DRAP1: variants seen among roughly 807,000 people sequenced by gnomAD.
DRAP1 encodes DR1 associated protein 1, also known as dr1-associated corepressor.
Under a neutral mutation model 24.1 loss-of-function variants are expected in DRAP1, and 10 were observed. The ratio of observed to expected loss-of-function variants is 0.41; its 90% CI spans 0.26 to 0.70. The LOEUF is 0.70. Among genes scored for constraint, DRAP1 ranks in the 30% least tolerant of loss-of-function variants. DRAP1 has a pLI of 0.29. For synonymous variants in DRAP1, 122 were observed against 113.8 expected, an observed-to-expected ratio of 1.07 and a Z score of -0.46; for missense variants, 264 against 275.6, an observed-to-expected ratio of 0.96 and a Z score of 0.30.
chr11:65,919,681 T>G (rs1456534439), intron 1 of DRAP1, 99 bp from the exon 2 acceptor site: 1 of 1,531,568 alleles, frequency 6.5e-7, no homozygotes, highest in Non-Finnish European at 8.9e-7. Context: ...CCCGCGTCCG[T>G]GTCCCCCGCC....
chr11:65,919,741 G>T (rs1417200921), intron 1 of DRAP1, 39 bp from the exon 2 acceptor site: 2 of 1,611,928 alleles, frequency 1.2e-6, no homozygotes, highest in East Asian at 2.2e-5. Context: ...CTTAGGGGAC[G>T]GTGGCGACGG....
At position 65,920,358 on chromosome 11, in the gene DRAP1, G is replaced by C; in HGVS notation, c.225G>C (p.Glu75Asp). The change falls in exon 4 of 7, where the codon GAG (glutamate) becomes GAC (aspartate). Residue 75 changes from glutamate (E) to aspartate (D), a missense_variant. By Grantham distance (45) the Glu-to-Asp change is conservative (BLOSUM62 2). Coordinates refer to ENST00000312515, the MANE Select transcript of DRAP1 (RefSeq NM_006442.4). ...CCTCTTCCAGGAAGCAGTGCATCGA[G>C]CTGGAGCAGCAGTTTGACTTCTTGA... ...MTTSHLKQCI[E>D]LEQQFDFLKD... 1 of 1,614,100 alleles carries C rather than the reference G, an allele frequency of 6.2e-7. No homozygotes were observed. The highest frequency in any genetic ancestry group is 8.5e-7 in the Non-Finnish European group (1 of 1,180,030).
chr11:65,919,989 G>T lies in DRAP1; in HGVS notation c.157G>T (p.Ala53Ser). The change falls in exon 3 of 7, where the codon GCC (alanine) becomes TCC (serine). Residue 53 changes from alanine to serine, a missense_variant. Ala to Ser is a moderately conservative substitution (Grantham distance 99, BLOSUM62 1). Coordinates refer to ENST00000312515, the MANE Select transcript of DRAP1 (RefSeq NM_006442.4). Reference protein sequence around the residue: ...ELFLESLLKKACQVTQSRNAK... With the variant: ...ELFLESLLKKSCQVTQSRNAK... Reference sequence around the variant, plus strand: ...CTTCCTAGAGTCGCTGTTGAAGAAGGCCTGCCAGGTGACCCAGTCGCGGAA... The same window carrying T: ...CTTCCTAGAGTCGCTGTTGAAGAAGTCCTGCCAGGTGACCCAGTCGCGGAA... 1 of 1,613,842 alleles carries T rather than the reference G, an allele frequency of 6.2e-7. No homozygotes were observed. Among genetic ancestry groups the T allele is most frequent in the East Asian group, 2.2e-5 (1 of 44,872 alleles).
intron 2 of DRAP1, 21 bp from the exon 3 acceptor site, chr11:65,919,927 G>A: frequency 6.2e-7 from 1 of 1,613,788 alleles, no homozygotes; most frequent in Non-Finnish European, 8.5e-7. Context: ...CTGCCCCGGA[G>A]TTCTCCTTGA....
intron 5 of DRAP1, 31 bp downstream of exon 5, chr11:65,920,693 C>G (rs1207070881): frequency 6.1e-6 from 9 of 1,466,282 alleles, no homozygotes; most frequent in Non-Finnish European, 8.2e-6. Flanking sequence ...TCGCCCTGCC[C>G]TTGGTGATGG....
At position 65,920,587 on chromosome 11, in the gene DRAP1, C is replaced by T; in HGVS notation, c.348C>T (p.Ser116=). Residue 116 remains serine, a synonymous_variant, in exon 5 of 7, where the codon AGC becomes AGT. Coordinates refer to ENST00000312515, the MANE Select transcript of DRAP1 (RefSeq NM_006442.4). ...CCCAAAGGGGCCGGAAGCCAGGCAGCGGCGGCCGGAAGAACGGTGGGATGG... is the reference window on the plus strand; with the variant it reads ...CCCAAAGGGGCCGGAAGCCAGGCAGTGGCGGCCGGAAGAACGGTGGGATGG... ...KGARRGRKPG[S]GGRKNGGMGT... 6.3e-7 allele frequency: 1 copy of T among 1,583,142 alleles called. No homozygotes were observed. Among genetic ancestry groups the T allele is most frequent in the Non-Finnish European group, 8.6e-7 (1 of 1,164,664 alleles).
intron 3 of DRAP1, 114 bp from the exon 4 acceptor site, chr11:65,920,229 G>T: frequency 6.5e-7 from 1 of 1,534,998 alleles, no homozygotes. Context: ...GCAGGCCCGG[G>T]AGCGGAGATC....
At chr11:65,921,187 G>T in intron 6 of DRAP1, 143 bp from the exon 7 acceptor site, 2 of 693,102 alleles carry the variant, frequency 2.9e-6, no homozygotes, top group Non-Finnish European at 4.9e-6. Flanking sequence ...CCTGCCCTGC[G>T]TGAGCTGCCC....
intron 1 of DRAP1, 59 bp downstream of exon 1, chr11:65,919,602 G>C (rs1854521450): frequency 7.1e-6 from 11 of 1,546,202 alleles, no homozygotes; most frequent in Non-Finnish European, 8.7e-6. Context: ...CTTGGGCCCA[G>C]TTCCCGCTGG....
intron 6 of DRAP1, 44 bp from the exon 7 acceptor site, chr11:65,921,286 C>G (rs546313635): frequency 8.4e-7 from 1 of 1,193,790 alleles, no homozygotes; most frequent in Non-Finnish European, 1.2e-6. Flanking sequence ...GTGGAGGGCA[C>G]GGTGGGGCTC....
chr11:65,919,730 C>G, intron 1 of DRAP1, 50 bp from the exon 2 acceptor site: 3 of 1,610,626 alleles, frequency 1.9e-6, no homozygotes, highest in African/African-American at 2.7e-5. Context: ...CCCAGCACCC[C>G]CTTAGGGGAC....
chr11:65,921,385 C>T lies in DRAP1; in HGVS notation c.568C>T (p.Pro190Ser). The T allele has an allele frequency of 1.2e-6, 2 of 1,611,954 alleles. No homozygotes were observed. Among genetic ancestry groups the T allele is most frequent in the Non-Finnish European group, 1.7e-6 (2 of 1,178,118 alleles). ...TACTCTGCCTTTGCCCCCAGCGCCC[C>T]CGGGCCCCTCAGCACCTGATGAAGA... ...ASTLPLPPAPPGPSAPDEEDE... is the reference protein window; with the variant it reads ...ASTLPLPPAPSGPSAPDEEDE... Residue 190 changes from proline (P) to serine (S), a missense_variant, in exon 7 of 7, where the codon CCG becomes TCG. By Grantham distance (74) the Pro-to-Ser change is moderately conservative. This residue lies in a region of DRAP1 where 243 missense variants were observed against 233.6 expected (regional missense o/e 1.04). Transcript: ENST00000312515.
At chr11:65,921,272 C>T in intron 6 of DRAP1, 58 bp from the exon 7 acceptor site, 1 of 1,047,878 alleles carries the variant, frequency 9.5e-7, no homozygotes, top group Non-Finnish European at 1.5e-6. Context: ...TGGCAGCTGC[C>T]CCTGTGGAGG....
chr11:65,920,705 A>T lies in DRAP1; in HGVS notation c.423+43A>T, dbSNP rs1202614329. 3 of 1,459,782 alleles carry T rather than the reference A, an allele frequency of 2.1e-6. No individual in the cohort carries two copies. The East Asian group carries it at 7.5e-5, about 37-fold the overall frequency. The allele number at this position is 1,459,782 out of a possible 1,614,324, so 90.4% of individuals were successfully genotyped here. ...CCTTCGCCCTGCCCTTGGTGATGGG[A>T]CAGGCAGCCTCGCCCCAGGCTGAAC... On this transcript the variant is annotated intron_variant, in intron 5 of 6. Coordinates refer to ENST00000312515, the MANE Select transcript of DRAP1 (RefSeq NM_006442.4).
intron 3 of DRAP1, 107 bp downstream of exon 3, chr11:65,920,148 C>T (rs1854530072): frequency 4.8e-6 from 7 of 1,455,692 alleles, no homozygotes; most frequent in African/African-American, 1.4e-5. Flanking sequence ...AGCCGGGACA[C>T]CAGCAAGGCC....
At chr11:65,919,708 G>A (rs1286088563) in intron 1 of DRAP1, 72 bp from the exon 2 acceptor site, 96 of 1,587,090 alleles carry the variant, frequency 6.0e-5, no homozygotes, top group Non-Finnish European at 7.8e-5. Flanking sequence ...CTCCGGGGAT[G>A]CCCCTTCCTC....
chr11:65,919,686 C>G lies in DRAP1; in HGVS notation c.43-94C>G, dbSNP rs532491202. On this transcript the variant is annotated intron_variant, in intron 1 of 6. Transcript: ENST00000312515. ...CCATGCCCTCCCCGCGTCCGTGTCCCCCGCCCCCTTTCTCCGGGGATGCCC... is the reference window on the plus strand; with the variant it reads ...CCATGCCCTCCCCGCGTCCGTGTCCGCCGCCCCCTTTCTCCGGGGATGCCC... 74 of 1,552,532 alleles carry G rather than the reference C, an allele frequency of 4.8e-5. No homozygotes were observed. The South Asian group carries it at 7.9e-4, about 17-fold the overall frequency.
chr11:65,919,924 G>T, intron 2 of DRAP1, 24 bp from the exon 3 acceptor site: 1 of 1,613,662 alleles, frequency 6.2e-7, no homozygotes, highest in Non-Finnish European at 8.5e-7. Flanking sequence ...CTCCTGCCCC[G>T]GAGTTCTCCT....
Position 65,919,443 on chromosome 11 carries a change from G to T in DRAP1, c.-59G>T. 6.6e-7 allele frequency: 1 copy of T among 1,505,642 alleles called. No homozygotes were observed. The highest frequency in any genetic ancestry group is 8.9e-7 in the Non-Finnish European group (1 of 1,128,360). The allele number at this position is 1,505,642 out of a possible 1,614,324, so 93.3% of individuals were successfully genotyped here. ...CGACGGGCGGGCGGCGAGCAGGCCC[G>T]GGAGCCGGGAGGCTGCGGGCGGCGG... is the stretch of plus-strand genomic sequence containing the variant. On this transcript the variant is annotated 5_prime_UTR_variant, in exon 1 of 7. Coordinates refer to ENST00000312515, the MANE Select transcript of DRAP1 (RefSeq NM_006442.4).
Sources: gnomAD v4.1 joint callset for allele counts on GRCh38, gnomAD v4.1.1 for gene constraint, gnomAD v4.1.1 regional missense constraint, MANE v1.5 for transcripts, NCBI Gene and HGNC (gene_info 2026-07-23, HGNC 2026-07-21) for gene names.